The following MAP2K5 variants were observed in gnomAD, a reference collection of about 807,000 sequenced individuals.
MAP2K5 encodes the protein dual specificity mitogen-activated protein kinase kinase 5.
MAP2K5 carries 49 observed loss-of-function variants against 83.1 expected under a neutral mutation model. The ratio of observed to expected loss-of-function variants is 0.59; its 90% CI spans 0.47 to 0.75. MAP2K5 has a LOEUF of 0.75. Ranked by LOEUF, MAP2K5 falls within the 30% of genes least tolerant of loss-of-function variation. MAP2K5 has a pLI of 0.00. For synonymous variants in MAP2K5, 202 were observed against 191.8 expected, an observed-to-expected ratio of 1.05 and a Z score of -0.44; for missense variants, 457 against 557.5, an observed-to-expected ratio of 0.82 and a Z score of 1.82.
chr15:67,656,057 A>C (rs916461148), intron 11 of MAP2K5, among the ~76,000 whole-genome samples: 1 of 152,184 alleles, frequency 6.6e-6, no homozygotes. Context: ...CAGAATTTCT[A>C]TTTGGTTACA....
Position 67,630,889 on chromosome 15 carries a change from G to A in MAP2K5, c.547G>A (p.Ala183Thr). ...GHGNGGTVYK[A>T]YHVPSGKILA... The stretch of plus-strand genomic sequence containing the variant: ...TTTTGTTTTTTTTTCTTCCCATAGA[G>A]CATATCATGTCCCGAGTGGGAAAAT... Residue 183 changes from alanine to threonine, a missense_variant and splice_region_variant, in exon 9 of 22, where the codon GCA becomes ACA. Physicochemically the swap from Ala to Thr is moderately conservative, Grantham distance 58 (BLOSUM62 0). Coordinates refer to ENST00000178640, the MANE Select transcript of MAP2K5 (RefSeq NM_145160.3). 1 of 1,607,926 alleles carries A rather than the reference G, an allele frequency of 6.2e-7. No individual in the cohort carries two copies. The highest frequency in any genetic ancestry group is 8.5e-7 in the Non-Finnish European group (1 of 1,175,888).
intron 21 of MAP2K5, among the ~76,000 whole-genome samples, chr15:67,799,389 A>G (rs2090662801): frequency 6.6e-6 from 1 of 152,230 alleles, no homozygotes; most frequent in Admixed American, 6.5e-5. Context: ...TCACCTGCCC[A>G]GAGTATATCT....
At chr15:67,571,923 C>A (rs1596575776) in intron 3 of MAP2K5, among the ~76,000 whole-genome samples, 1 of 152,088 alleles carries the variant, frequency 6.6e-6, no homozygotes, top group African/African-American at 2.4e-5. Flanking sequence ...ACAGTTCATG[C>A]CCTCCAGGAG....
chr15:67,644,690 C>T lies in MAP2K5; in HGVS notation c.586-1541C>T, dbSNP rs1315005303. 6.6e-6 allele frequency among the ~76,000 whole-genome samples: 1 copy of T among 151,842 alleles called. No individual in the cohort carries two copies. Among genetic ancestry groups the T allele is most frequent in the South Asian group, 2.1e-4 (1 of 4,814 alleles). On this transcript the variant is annotated intron_variant, in intron 9 of 21. Transcript: ENST00000178640. The surrounding 1 kb of genome is among the most constrained non-coding windows in gnomAD (Gnocchi z 4.6). ...GGCTCTGTGGCTCCCAGGAGGGAAA[C>T]GTGGTTTCCTCCTCACTCAAAAGAA...
chr15:67,543,015 A>C lies in MAP2K5; in HGVS notation c.-321A>C. On this transcript the variant is annotated 5_prime_UTR_variant, in exon 1 of 22. Transcript: ENST00000178640. This position sits in a 1 kb window ranked among gnomAD's most constrained non-coding sequence, Gnocchi z 4.3. ...CTTGCCCTGCTGCCTCCTCATACCC[A>C]CACGGCGGCAGAGACCTTCACCATA... 2.7e-6 allele frequency: 1 copy of C among 365,788 alleles called. No individual in the cohort carries two copies. The allele number at this position is 365,788 out of a possible 1,614,324, so 22.7% of individuals were successfully genotyped here.
chr15:67,622,203 G>C (rs188518962), intron 8 of MAP2K5, among the ~76,000 whole-genome samples: 81 of 151,144 alleles, frequency 5.4e-4, no homozygotes, highest in African/African-American at 1.9e-3. Context: ...AGAATGTGCT[G>C]TTTTATGTAG....
At chr15:67,742,927 C>T (rs1448104983) in intron 17 of MAP2K5, among the ~76,000 whole-genome samples, 1 of 152,124 alleles carries the variant, frequency 6.6e-6, no homozygotes, top group African/African-American at 2.4e-5. Flanking sequence ...GACTGGCAGA[C>T]CCAGCAAATG....
At position 67,785,116 on chromosome 15, in the gene MAP2K5, T is replaced by C. The variant is rs1003757698; in HGVS notation, c.1242+12364T>C. Reference sequence around the variant, plus strand: ...CATGAACAACACTATGGCTAATTTTTGTATTTTCAGTAGAGACGGGGTTTC... The same window carrying C: ...CATGAACAACACTATGGCTAATTTTCGTATTTTCAGTAGAGACGGGGTTTC... On this transcript the variant is annotated intron_variant, in intron 21 of 21. Coordinates refer to ENST00000178640, the MANE Select transcript of MAP2K5 (RefSeq NM_145160.3). This position sits in a 1 kb window ranked among gnomAD's most constrained non-coding sequence, Gnocchi z 4.4. 6.6e-6 allele frequency among the ~76,000 whole-genome samples: 1 copy of C among 152,180 alleles called. No homozygotes were observed. The highest frequency in any genetic ancestry group is 2.4e-5 in the African/African-American group (1 of 41,442).
intron 13 of MAP2K5, among the ~76,000 whole-genome samples, chr15:67,681,543 G>A (rs1400147711): frequency 6.6e-6 from 1 of 152,104 alleles, no homozygotes; most frequent in East Asian, 1.9e-4. Context: ...GAAAAAAGGA[G>A]TATTGGATAT....
intron 21 of MAP2K5, among the ~76,000 whole-genome samples, chr15:67,776,994 G>A (rs2090251659): frequency 6.6e-6 from 1 of 152,208 alleles, no homozygotes; most frequent in Non-Finnish European, 1.5e-5. Flanking sequence ...ATGTGGAGAT[G>A]TTTCTTTTCA....
At chr15:67,633,348 A>C (rs2086518641) in intron 9 of MAP2K5, among the ~76,000 whole-genome samples, 1 of 152,244 alleles carries the variant, frequency 6.6e-6, no homozygotes, top group Non-Finnish European at 1.5e-5. Context: ...TATTTACTCC[A>C]GGAGAGGGGA....
intron 4 of MAP2K5, among the ~76,000 whole-genome samples, chr15:67,583,510 T>C (rs1025344803): frequency 1.3e-5 from 2 of 152,178 alleles, no homozygotes; most frequent in African/African-American, 2.4e-5. Flanking sequence ...GTTTCTAGTT[T>C]TTGGTAGTCT....
At chr15:67,765,997 T>G (rs953433313) in intron 19 of MAP2K5, among the ~76,000 whole-genome samples, 6 of 152,234 alleles carry the variant, frequency 3.9e-5, no homozygotes, top group Non-Finnish European at 8.8e-5. Context: ...ACTCAAACTT[T>G]TTCCTATTGT....
rs2090498700 is a variant in MAP2K5, at chr15:67,790,604, G to A, written c.1243-16042G>A. ...TTGTTTTAAATGGGGAGCAAGTTGG[G>A]TCTTTAGGGCTGAGGCTCAGAGGAG... On this transcript the variant is annotated intron_variant, in intron 21 of 21. Coordinates refer to ENST00000178640, the MANE Select transcript of MAP2K5 (RefSeq NM_145160.3). This position sits in a 1 kb window ranked among gnomAD's most constrained non-coding sequence, Gnocchi z 4.6. Among the ~76,000 whole-genome samples, 1 of 152,052 alleles carries A rather than the reference G, an allele frequency of 6.6e-6. No individual in the cohort carries two copies. The highest frequency in any genetic ancestry group is 1.5e-5 in the Non-Finnish European group (1 of 68,012).
At position 67,798,225 on chromosome 15, in the gene MAP2K5, C is replaced by A. The variant is rs539916239; in HGVS notation, c.1243-8421C>A. Among the ~76,000 whole-genome samples the A allele has an allele frequency of 5.8e-4, 89 of 152,308 alleles. 1 individual carries two copies. Among genetic ancestry groups the A allele is most frequent in the Admixed American group, 2.1e-3 (32 of 15,306 alleles). On this transcript the variant is annotated intron_variant, in intron 21 of 21. Coordinates refer to ENST00000178640, the MANE Select transcript of MAP2K5 (RefSeq NM_145160.3). ...GCAGATGTCCATTCTCCTCTGGCAT[C>A]CTCCCTCCTGATCCCTCTGGGCATC...
chr15:67,653,773 G>A (rs2087005778), intron 11 of MAP2K5, among the ~76,000 whole-genome samples: 1 of 151,946 alleles, frequency 6.6e-6, no homozygotes, highest in Non-Finnish European at 1.5e-5. Context: ...TAGCAAGTTA[G>A]GATATTGATT....
At chr15:67,575,029 C>G (rs1283460043) in intron 3 of MAP2K5, among the ~76,000 whole-genome samples, 1 of 152,050 alleles carries the variant, frequency 6.6e-6, no homozygotes, top group East Asian at 1.9e-4. Flanking sequence ...CAGCAGAAGA[C>G]AGGTCTAGGG....
At chr15:67,592,489 A>T (rs1456266403) in intron 6 of MAP2K5, among the ~76,000 whole-genome samples, 1 of 152,218 alleles carries the variant, frequency 6.6e-6, no homozygotes, top group Non-Finnish European at 1.5e-5. Flanking sequence ...AAGCTGAATT[A>T]TAACTTTTAA....
intron 8 of MAP2K5, among the ~76,000 whole-genome samples, chr15:67,618,657 T>A (rs1181096677): frequency 6.6e-6 from 1 of 152,218 alleles, no homozygotes; most frequent in African/African-American, 2.4e-5. Flanking sequence ...TTCTATAGGA[T>A]GCTAAGGACA....
Sources: gnomAD v4.1 joint callset for allele counts (sites outside exome capture counted in the v4.1 genomes callset) on GRCh38, gnomAD v4.1.1 for gene constraint, Gnocchi (gnomAD v3.1) non-coding constraint, MANE v1.5 for transcripts, NCBI Gene and HGNC (gene_info 2026-07-23, HGNC 2026-07-21) for gene names.